The following SMAD5 variants were observed in gnomAD, a reference collection of about 807,000 sequenced individuals.
SMAD5 encodes the protein SMAD family member 5.
A neutral mutation model predicts 43.1 loss-of-function variants in SMAD5; 9 were observed. The ratio of observed to expected loss-of-function variants is 0.21; its 90% CI spans 0.13 to 0.36. The LOEUF (loss-of-function observed/expected upper bound fraction) is 0.36, where lower values mean the gene tolerates loss of function less well. Among genes scored for constraint, SMAD5 ranks in the 10% least tolerant of loss-of-function variants. The probability of loss-of-function intolerance (pLI) is 1.00; values close to 1 mark genes in which losing one functional copy is unlikely to be tolerated. For synonymous variants in SMAD5, 190 were observed against 192.4 expected (o/e 0.99, Z 0.10); for missense variants, 348 against 574.0 (o/e 0.61, Z 4.02).
rs1249044351 is a variant in SMAD5 at position 136,182,244 on chromosome 5, A to C, written c.*4764A>C. 1.3e-5 allele frequency: 2 copies of C among 151,988 alleles called. No homozygotes were observed. Among genetic ancestry groups the C allele is most frequent in the Non-Finnish European group, 2.9e-5 (2 of 67,990 alleles). The allele number at this position is 151,988 out of a possible 1,614,324, so 9.4% of individuals were successfully genotyped here. A position where few individuals can be genotyped will look rare whatever the true frequency, so the allele number is the denominator to read the frequency against. On this transcript the variant is annotated 3_prime_UTR_variant, in exon 8 of 8. Transcript: ENST00000545279. The stretch of plus-strand genomic sequence containing the variant: ...CCAAGTTCTTTGTGGAAAAAAAAAA[A>C]AAATCTTTTAGGGTCAGATTTTCCC...
rs1467124268 is a variant in SMAD5 at position 136,177,988 on chromosome 5, A to G, written c.*508A>G. On this transcript the variant is annotated 3_prime_UTR_variant, in exon 8 of 8. Coordinates refer to ENST00000545279, the MANE Select transcript of SMAD5 (RefSeq NM_005903.7). ...ATGGTAGGGGCTTAAAAGAAACTAT[A>G]AAGTTTTATTTGAATGAACACTATG... is the stretch of plus-strand genomic sequence containing the variant. The G allele has an allele frequency of 6.5e-6, 1 of 153,310 alleles. No homozygotes were observed. The highest frequency in any genetic ancestry group is 1.5e-5 in the Non-Finnish European group (1 of 68,700). 9.5% of individuals were successfully genotyped at this position (153,310 alleles called of 1,614,324 possible).
intron 4 of SMAD5, among the ~76,000 whole-genome samples, chr5:136,161,546 C>G (rs894624098): frequency 1.3e-5 from 2 of 152,218 alleles, no homozygotes; most frequent in Non-Finnish European, 1.5e-5. Context: ...CCAGGTTTGT[C>G]TAACTCTAAA....
rs189829929 is a variant in SMAD5, at chr5:136,182,276, T to A, written c.*4796T>A. ...TTTAGGGTCAGATTTTCCCTTCTAA[T>A]ATCATTGAAGATGATGTTGCATTGA... is the stretch of plus-strand genomic sequence containing the variant. On this transcript the variant is annotated 3_prime_UTR_variant, in exon 8 of 8. Coordinates refer to ENST00000545279, the MANE Select transcript of SMAD5 (RefSeq NM_005903.7). 1.2e-4 allele frequency: 18 copies of A among 152,142 alleles called. No individual in the cohort carries two copies. In the Middle Eastern group the frequency reaches 0.014, roughly 115 times the overall value. The allele number at this position is 152,142 out of a possible 1,614,324, so 9.4% of individuals were successfully genotyped here. A position where few individuals can be genotyped will look rare whatever the true frequency, so the allele number is the denominator to read the frequency against.
intron 6 of SMAD5, among the ~76,000 whole-genome samples, chr5:136,173,832 TCA>T (rs749124632): frequency 1.1e-3 from 173 of 151,710 alleles, no homozygotes; most frequent in African/African-American, 3.8e-3. Context: ...TTTTTTGCCC[TCA>T]CATCTTGCAA....
At chr5:136,171,491 G>T (rs1216738661) in intron 5 of SMAD5, among the ~76,000 whole-genome samples, 1 of 152,218 alleles carries the variant, frequency 6.6e-6, no homozygotes, top group Non-Finnish European at 1.5e-5. Flanking sequence ...TCAAACCAAA[G>T]AGGTTTATTC....
chr5:136,144,050 G>C (rs1036798267), intron 1 of SMAD5, among the ~76,000 whole-genome samples: 4 of 151,936 alleles, frequency 2.6e-5, no homozygotes, highest in African/African-American at 9.7e-5. Flanking sequence ...GCAGATAATG[G>C]GTTCATTATC....
At chr5:136,162,413 C>G (rs1247316813) in intron 4 of SMAD5, among the ~76,000 whole-genome samples, 4 of 152,132 alleles carry the variant, frequency 2.6e-5, no homozygotes, top group African/African-American at 7.2e-5. Flanking sequence ...ACAGTATATT[C>G]TTTGTGATTT....
chr5:136,161,216 G>A (rs967262577), intron 4 of SMAD5, 109 bp downstream of exon 4: 1 of 890,482 alleles, frequency 1.1e-6, no homozygotes, highest in Non-Finnish European at 1.7e-6. Context: ...TATAATAGCT[G>A]TTTCTGACTC....
rs773759080 is a variant in SMAD5 at position 136,163,293 on chromosome 5, A to T, written c.677A>T (p.Tyr226Phe). The change falls in exon 5 of 8, where the codon TAT becomes TTT. Residue 226 changes from tyrosine to phenylalanine, a missense_variant. Physicochemically the swap from Tyr to Phe is conservative, Grantham distance 22. Coordinates refer to ENST00000545279, the MANE Select transcript of SMAD5 (RefSeq NM_005903.7). ...QLPADTPPPA[Y>F]MPPDDQMGQD... is the part of the protein sequence containing the mutation. ...TTAGCTGATACGCCTCCTCCTGCCT[A>T]TATGCCACCTGATGATCAGATGGGT... 6.2e-7 allele frequency: 1 copy of T among 1,610,312 alleles called. No individual in the cohort carries two copies. Among genetic ancestry groups the T allele is most frequent in the East Asian group, 2.2e-5 (1 of 44,778 alleles).
chr5:136,171,485 A>G (rs993418215), intron 5 of SMAD5, among the ~76,000 whole-genome samples: 2 of 152,200 alleles, frequency 1.3e-5, no homozygotes, highest in Non-Finnish European at 2.9e-5. Context: ...AGAACATCAA[A>G]CCAAAGAGGT....
At chr5:136,169,216 A>AT (rs1229817541) in intron 5 of SMAD5, among the ~76,000 whole-genome samples, 1 of 152,180 alleles carries the variant, frequency 6.6e-6, no homozygotes, top group Non-Finnish European at 1.5e-5. Flanking sequence ...GACAGGAAGC[A>AT]TCCAGCACAG....
intron 7 of SMAD5, among the ~76,000 whole-genome samples, chr5:136,176,561 A>G (rs1052937384): frequency 6.8e-6 from 1 of 148,066 alleles, no homozygotes; most frequent in African/African-American, 2.5e-5. Context: ...TGATTCCTTT[A>G]TTAGTATTTA....
chr5:136,164,990 A>T (rs1330226640), intron 5 of SMAD5, among the ~76,000 whole-genome samples: 1 of 152,138 alleles, frequency 6.6e-6, no homozygotes, highest in Non-Finnish European at 1.5e-5. Flanking sequence ...TGTTGAATTA[A>T]CATCTTTGTC....
In SMAD5 at chr5:136,146,001, A is replaced by G. The variant is rs147438977; in HGVS notation, c.-244-1831A>G. Among the ~76,000 whole-genome samples, 788 of 152,022 alleles carry G rather than the reference A, an allele frequency of 5.2e-3. 9 individuals carry two copies. The highest frequency in any genetic ancestry group is 0.018 in the African/African-American group (751 of 41,522). ...ACCTTTATATCTTTAGGGCAACTCCATTCTCCACTGTGTATCGTAGATAGT... is the reference window on the plus strand; with the variant it reads ...ACCTTTATATCTTTAGGGCAACTCCGTTCTCCACTGTGTATCGTAGATAGT... On this transcript the variant is annotated intron_variant, in intron 1 of 7. Transcript: ENST00000545279.
intron 6 of SMAD5, chr5:136,172,974 A>G (rs1251859968): frequency 1.6e-5 from 5 of 316,590 alleles, no homozygotes; most frequent in African/African-American, 1.1e-4. Flanking sequence ...TAGCTAGAAG[A>G]GTGCCTCATT....
chr5:136,172,502 C>A lies in SMAD5; in HGVS notation c.844C>A (p.Arg282Ser). The change falls in exon 6 of 8, where the codon CGT becomes AGT. Residue 282 changes from arginine (R) to serine (S), a missense_variant. Arg to Ser is a moderately radical substitution (Grantham distance 110). Coordinates refer to ENST00000545279, the MANE Select transcript of SMAD5 (RefSeq NM_005903.7). ...CSIVYYELNN[R>S]VGEAFHASST... The stretch of plus-strand genomic sequence containing the variant: ...AATAGTCTACTATGAATTAAACAAT[C>A]GTGTTGGAGAAGCTTTTCATGCATC... 6.2e-7 allele frequency: 1 copy of A among 1,612,824 alleles called. No homozygotes were observed. Among genetic ancestry groups the A allele is most frequent in the South Asian group, 1.1e-5 (1 of 91,064 alleles).
intron 3 of SMAD5, among the ~76,000 whole-genome samples, chr5:136,160,610 G>A (rs1753790740): frequency 6.6e-6 from 1 of 152,000 alleles, no homozygotes; most frequent in South Asian, 2.1e-4. Context: ...TCATAGAACA[G>A]GAGTGGTATC....
intron 5 of SMAD5, among the ~76,000 whole-genome samples, chr5:136,166,202 T>C (rs563835458): frequency 1.6e-4 from 24 of 151,932 alleles, no homozygotes; most frequent in Non-Finnish European, 3.4e-4. Context: ...AATGAAAAAT[T>C]GTATATCTTT....
In SMAD5 at chr5:136,178,436, A is replaced by G. The variant is rs1216328001; in HGVS notation, c.*956A>G. 2 of 152,634 alleles carry G rather than the reference A, an allele frequency of 1.3e-5. No homozygotes were observed. Among genetic ancestry groups the G allele is most frequent in the African/African-American group, 4.8e-5 (2 of 41,464 alleles). The allele number at this position is 152,634 out of a possible 1,614,324, so 9.5% of individuals were successfully genotyped here. ...CCTTGGTACCTTTTTTGTATTAACA[A>G]ACACTGCAATTTATAGATTACATTT... On this transcript the variant is annotated 3_prime_UTR_variant, in exon 8 of 8. Transcript: ENST00000545279.
Sources: allele counts gnomAD v4.1 joint callset (sites outside exome capture counted in the v4.1 genomes callset), GRCh38; gene constraint gnomAD v4.1.1; transcripts MANE v1.5; gene names NCBI Gene and HGNC (gene_info 2026-07-23, HGNC 2026-07-21).